Variants in COLEC10 observed in about 807,000 individuals in gnomAD.
COLEC10 encodes collectin-10.
Under a neutral mutation model 28.4 loss-of-function variants are expected in COLEC10, and 22 were observed. That is an observed-to-expected ratio of 0.78 (90% CI 0.55 to 1.11). COLEC10 has a LOEUF of 1.11. COLEC10 is among the 50% of genes least tolerant of loss of function. COLEC10 has a pLI of 0.00. For synonymous variants in COLEC10, 125 were observed against 116.1 expected, an observed-to-expected ratio of 1.08 and a Z score of -0.49; for missense variants, 361 against 344.1, an observed-to-expected ratio of 1.05 and a Z score of -0.39.
chr8:118,981,995 A>AT, the COLEC10 span, among the ~76,000 whole-genome samples: 31 of 135,690 alleles, frequency 2.3e-4, no homozygotes, highest in Non-Finnish European at 7.9e-5. Flanking sequence ...CATCACCCCT[A>AT]CTTTTTTTTT....
At chr8:119,027,735 A>G (rs1814218753) in intron 2 of COLEC10, among the ~76,000 whole-genome samples, 2 of 152,144 alleles carry the variant, frequency 1.3e-5, no homozygotes, top group South Asian at 4.1e-4. Context: ...CTTTTCTATG[A>G]ACCTTCCTCT....
At chr8:119,021,675 G>C (rs1158126318) in intron 2 of COLEC10, among the ~76,000 whole-genome samples, 1 of 152,116 alleles carries the variant, frequency 6.6e-6, no homozygotes, top group Non-Finnish European at 1.5e-5. Flanking sequence ...ATAGAGGAAT[G>C]TTCTTCTATG....
chr8:119,104,589 T>C (rs1212712523), intron 5 of COLEC10, among the ~76,000 whole-genome samples: 2 of 152,198 alleles, frequency 1.3e-5, no homozygotes, highest in African/African-American at 4.8e-5. Flanking sequence ...AAGGTAACTA[T>C]TATAATTACA....
At chr8:119,070,602 CCTTT>C (rs1317283724) in intron 1 of COLEC10, among the ~76,000 whole-genome samples, 1 of 143,992 alleles carries the variant, frequency 6.9e-6, no homozygotes, top group Non-Finnish European at 1.5e-5. Flanking sequence ...TCCCTCTCTC[CCTTT>C]CTCTCTCTTT....
chr8:118,956,660 T>G, the COLEC10 span, among the ~76,000 whole-genome samples: 1 of 152,200 alleles, frequency 6.6e-6, no homozygotes, highest in Non-Finnish European at 1.5e-5. Flanking sequence ...TTCAAATAAC[T>G]ACTCATCAGA....
At chr8:119,026,124 T>C (rs765479136) in intron 2 of COLEC10, among the ~76,000 whole-genome samples, 52 of 152,228 alleles carry the variant, frequency 3.4e-4, no homozygotes, top group Non-Finnish European at 2.4e-4. Context: ...AGTACATTTT[T>C]ATTGAATGAC....
chr8:119,049,479 A>C (rs1245409776), intron 2 of COLEC10, among the ~76,000 whole-genome samples: 1 of 130,726 alleles, frequency 7.6e-6, no homozygotes, highest in Non-Finnish European at 1.5e-5. Flanking sequence ...CCGTGGCGCA[A>C]TCTGGGCTCA....
At chr8:119,069,657 T>TATATATATATAG (rs1815062367) in intron 1 of COLEC10, among the ~76,000 whole-genome samples, 1 of 111,058 alleles carries the variant, frequency 9.0e-6, no homozygotes, top group Non-Finnish European at 1.8e-5. Context: ...TATATATATA[T>TATATATATATAG]ATATGTAAAC....
intron 2 of COLEC10, among the ~76,000 whole-genome samples, chr8:119,011,229 G>A (rs1450862437): frequency 1.3e-5 from 2 of 150,936 alleles, no homozygotes; most frequent in African/African-American, 2.5e-5. Context: ...GCACTTTGTT[G>A]AAAAGAATAT....
At chr8:119,099,551 C>A (rs975915685) in intron 3 of COLEC10, among the ~76,000 whole-genome samples, 1 of 150,584 alleles carries the variant, frequency 6.6e-6, no homozygotes, top group Non-Finnish European at 1.5e-5. Context: ...AGGATTCAAA[C>A]CCTGGTTTTG....
intron 1 of COLEC10, among the ~76,000 whole-genome samples, chr8:119,006,801 G>C (rs1280881997): frequency 6.6e-6 from 1 of 151,812 alleles, no homozygotes; most frequent in East Asian, 1.9e-4. Context: ...CAACTAATTT[G>C]CATCTCCACT....
At chr8:119,067,849 AT>A (rs1356427491) in intron 1 of COLEC10, 2 of 154,054 alleles carry the variant, frequency 1.3e-5, no homozygotes, top group Non-Finnish European at 2.9e-5. Flanking sequence ...GGTCAGTAAC[AT>A]AAAACTTAAA....
chr8:119,065,772 C>T (rs895326660), upstream of COLEC10, among the ~76,000 whole-genome samples: 5 of 151,162 alleles, frequency 3.3e-5, no homozygotes, highest in East Asian at 5.9e-4. Flanking sequence ...GCACGAGAAT[C>T]GCTTGAACCT....
At chr8:118,993,253 T>A (rs1813532190), upstream of COLEC10, among the ~76,000 whole-genome samples, 1 of 152,070 alleles carries the variant, frequency 6.6e-6, no homozygotes, top group South Asian at 2.1e-4. Context: ...GTCAGCAGGA[T>A]TTTTTTTCCC....
At chr8:119,094,185 C>T (rs1815666108) in intron 3 of COLEC10, among the ~76,000 whole-genome samples, 1 of 152,014 alleles carries the variant, frequency 6.6e-6, no homozygotes, top group African/African-American at 2.4e-5. Context: ...GGCATCCAGC[C>T]CACGAAATGT....
At chr8:119,085,510 G>A (rs1026009639) in intron 1 of COLEC10, among the ~76,000 whole-genome samples, 1 of 151,948 alleles carries the variant, frequency 6.6e-6, no homozygotes, top group African/African-American at 2.4e-5. Flanking sequence ...TATATTTTAG[G>A]CAGGAGTTCT....
intron 2 of COLEC10, among the ~76,000 whole-genome samples, chr8:119,037,693 T>C (rs1191072499): frequency 6.6e-6 from 1 of 152,234 alleles, no homozygotes; most frequent in African/African-American, 2.4e-5. Context: ...AGGTTTCCAT[T>C]TCTGCTCTCC....
At chr8:119,034,179 G>A (rs1189568706) in intron 2 of COLEC10, among the ~76,000 whole-genome samples, 1 of 152,090 alleles carries the variant, frequency 6.6e-6, no homozygotes, top group Non-Finnish European at 1.5e-5. Flanking sequence ...ACTCATAAGT[G>A]GGAGTTGAAC....
At chr8:119,076,486 C>T (rs1183925543) in intron 1 of COLEC10, among the ~76,000 whole-genome samples, 3 of 152,214 alleles carry the variant, frequency 2.0e-5, no homozygotes, top group Admixed American at 2.0e-4. Flanking sequence ...TGGTCTTGAA[C>T]TCCTGACCTC....
Sources: gnomAD v4.1 joint callset for allele counts (sites outside exome capture counted in the v4.1 genomes callset) on GRCh38, gnomAD v4.1.1 for gene constraint, MANE v1.5 for transcripts, NCBI Gene and HGNC (gene_info 2026-07-23, HGNC 2026-07-21) for gene names.